The following CAMK2B variants were observed in gnomAD, a reference collection of about 807,000 sequenced individuals.
The protein encoded by CAMK2B is calcium/calmodulin-dependent protein kinase type II subunit beta.
Under a neutral mutation model 93.7 loss-of-function variants are expected in CAMK2B, and 27 were observed. That is an observed-to-expected ratio of 0.29 (90% CI 0.21 to 0.40). The LOEUF (loss-of-function observed/expected upper bound fraction) is 0.40, where lower values mean the gene tolerates loss of function less well. CAMK2B is among the 10% of genes least tolerant of loss of function. The pLI, the probability that CAMK2B is intolerant of heterozygous loss-of-function variation, is 1.00. For missense variants in CAMK2B, 568 were observed against 895.8 expected, an observed-to-expected ratio of 0.63 and a Z score of 4.67; for synonymous variants, 374 against 358.8, an observed-to-expected ratio of 1.04 and a Z score of -0.48.
chr7:44,295,752 A>G lies in CAMK2B; in HGVS notation c.66-11527T>C, dbSNP rs1012434628. On this transcript the variant is annotated intron_variant, in intron 1 of 23. Coordinates refer to ENST00000395749, the MANE Select transcript of CAMK2B (RefSeq NM_001220.5). ...TTCTTCTTAAAACCCTGCCCTCAGG[A>G]GAAATTATCTTACTACAGCCCAACC... is the stretch of plus-strand genomic sequence containing the variant. Among the ~76,000 whole-genome samples, 16 of 152,302 alleles carry G rather than the reference A, an allele frequency of 1.1e-4. 1 individual carries two copies. In the East Asian group the frequency reaches 2.3e-3, roughly 22 times the overall value.
chr7:44,234,560 G>A lies in CAMK2B; in HGVS notation c.1059+79C>T, dbSNP rs1583966119. On this transcript the variant is annotated intron_variant, in intron 14 of 23. Coordinates refer to ENST00000395749, the MANE Select transcript of CAMK2B (RefSeq NM_001220.5). ...AGGGCATGGGGGGAGGGGGACTCCA[G>A]AGCAGGAGCCCCAGGGCGTGGGGGT... 6 of 1,597,768 alleles carry A rather than the reference G, an allele frequency of 3.8e-6. No individual in the cohort carries two copies. In the East Asian group the frequency reaches 1.3e-4, roughly 36 times the overall value.
chr7:44,234,288 C>A, intron 15 of CAMK2B, 102 bp downstream of exon 15: 1 of 1,048,454 alleles, frequency 9.5e-7, no homozygotes, highest in Non-Finnish European at 1.4e-6. Flanking sequence ...ACAGGCCAGG[C>A]GGGGCCAGAC....
chr7:44,243,474 T>C lies in CAMK2B; in HGVS notation c.468A>G (p.Ala156=), dbSNP rs1185042057. 6.2e-7 allele frequency: 1 copy of C among 1,614,006 alleles called. No individual in the cohort carries two copies. The highest frequency in any genetic ancestry group is 8.5e-7 in the Non-Finnish European group (1 of 1,180,018). Residue 156 remains alanine, a synonymous_variant, in exon 7 of 24, where the codon GCA becomes GCG. Coordinates refer to ENST00000395749, the MANE Select transcript of CAMK2B (RefSeq NM_001220.5). The part of the protein sequence containing the change: ...SKCKGAAVKL[A]DFGLAIEVQG... Reference sequence around the variant, plus strand: ...GCACCTCGATAGCTAGGCCGAAGTCTGCCAGCTTCACTGCAGCCCCTTTGC... The same window carrying C: ...GCACCTCGATAGCTAGGCCGAAGTCCGCCAGCTTCACTGCAGCCCCTTTGC...
chr7:44,323,055 G>A (rs1253734281), intron 1 of CAMK2B, among the ~76,000 whole-genome samples: 2 of 152,182 alleles, frequency 1.3e-5, no homozygotes, highest in Admixed American at 6.5e-5. Context: ...ATCCCCCTTA[G>A]GTGCCCTGCT....
chr7:44,317,660 C>T (rs896757228), intron 1 of CAMK2B, among the ~76,000 whole-genome samples: 16 of 151,840 alleles, frequency 1.1e-4, no homozygotes, highest in Non-Finnish European at 1.8e-4. Flanking sequence ...TTTTTCTTTA[C>T]GTACTAGAAA....
At chr7:44,320,552 C>A (rs943423093) in intron 1 of CAMK2B, among the ~76,000 whole-genome samples, 3 of 152,160 alleles carry the variant, frequency 2.0e-5, no homozygotes, top group African/African-American at 7.2e-5. Flanking sequence ...ATAATAAGCA[C>A]CATTTAAGCG....
chr7:44,277,421 C>T (rs551485701), intron 2 of CAMK2B, among the ~76,000 whole-genome samples: 1 of 152,256 alleles, frequency 6.6e-6, no homozygotes, highest in Non-Finnish European at 1.5e-5. Flanking sequence ...GCAGTGTCCG[C>T]GTGGCCGAGT....
chr7:44,279,920 A>G (rs1006140833), intron 2 of CAMK2B, among the ~76,000 whole-genome samples: 14 of 152,202 alleles, frequency 9.2e-5, no homozygotes, highest in African/African-American at 3.4e-4. Context: ...GAACGAGCAC[A>G]AGACAGGTCA....
intron 2 of CAMK2B, among the ~76,000 whole-genome samples, chr7:44,276,768 C>T (rs1455009044): frequency 1.3e-5 from 2 of 152,212 alleles, no homozygotes; most frequent in Admixed American, 6.5e-5. Flanking sequence ...GGGAGCCCCA[C>T]GCTGGCCGAA....
chr7:44,234,288 C>T (rs933637626), intron 15 of CAMK2B, 102 bp downstream of exon 15: 22 of 1,048,444 alleles, frequency 2.1e-5, no homozygotes, highest in Middle Eastern at 3.1e-4. Flanking sequence ...ACAGGCCAGG[C>T]GGGGCCAGAC....
chr7:44,294,157 C>T (rs1787644395), intron 1 of CAMK2B, among the ~76,000 whole-genome samples: 1 of 152,208 alleles, frequency 6.6e-6, no homozygotes, highest in African/African-American at 2.4e-5. Flanking sequence ...AGGAAAACCC[C>T]AGTCTCTGCC....
intron 2 of CAMK2B, among the ~76,000 whole-genome samples, chr7:44,275,409 C>A (rs962378842): frequency 6.6e-6 from 1 of 152,250 alleles, no homozygotes. Flanking sequence ...CCGCGCAGCC[C>A]GGCTCCCTGT....
Position 44,234,670 on chromosome 7 carries a change from C to G in CAMK2B, c.1028G>C (p.Ser343Thr), listed in dbSNP as rs773451547. Residue 343 changes from serine to threonine, a missense_variant, in exon 14 of 24, where the codon AGT becomes ACT. By Grantham distance (58) the Ser-to-Thr change is moderately conservative. This residue lies in a region of CAMK2B where 308 missense variants were observed against 292.1 expected (regional missense o/e 1.05). Transcript: ENST00000395749. Reference protein sequence around the residue: ...TTMGLVEQAKSLLNKKADGVK... With the variant: ...TTMGLVEQAKTLLNKKADGVK... ...TCCATCTGCTTTCTTGTTGAGTAAA[C>G]TCTTGGCTGCTGCATGGGGAGGAAG... 2.5e-6 allele frequency: 4 copies of G among 1,614,102 alleles called. No individual in the cohort carries two copies. Among genetic ancestry groups the G allele is most frequent in the South Asian group, 1.1e-5 (1 of 91,088 alleles).
At chr7:44,318,163 C>T (rs1367293674) in intron 1 of CAMK2B, among the ~76,000 whole-genome samples, 1 of 152,196 alleles carries the variant, frequency 6.6e-6, no homozygotes, top group East Asian at 1.9e-4. Flanking sequence ...TCAGGCAGCA[C>T]CTCAACAAAC....
intron 19 of CAMK2B, among the ~76,000 whole-genome samples, chr7:44,228,051 G>A (rs1053724585): frequency 4.9e-4 from 74 of 151,888 alleles, no homozygotes; most frequent in East Asian, 2.9e-3. Context: ...TCTGGCTGTC[G>A]GGTGGCGTGG....
At chr7:44,230,306 T>A (rs1221843417) in intron 17 of CAMK2B, 1 of 152,496 alleles carries the variant, frequency 6.6e-6, no homozygotes, top group South Asian at 2.1e-4. Context: ...AGAAGTTTTC[T>A]CCCCTAAACT....
At position 44,225,936 on chromosome 7, in the gene CAMK2B, G is replaced by A. The variant is rs953140573; in HGVS notation, c.1597+580C>T. The A allele has an allele frequency of 1.0e-5, 13 of 1,269,624 alleles. No individual in the cohort carries two copies. The African/African-American group carries it at 1.8e-4, about 18-fold the overall frequency. The allele number at this position is 1,269,624 out of a possible 1,614,324, so 78.6% of individuals were successfully genotyped here. A position where few individuals can be genotyped will look rare whatever the true frequency, so the allele number is the denominator to read the frequency against. ...TAGTCGGCAGACAGACCGGGAGGTG[G>A]CCCAGCCTGGCTCCTCCCTGGCCGG... is the stretch of plus-strand genomic sequence containing the variant. On this transcript the variant is annotated intron_variant, in intron 20 of 23. Coordinates refer to ENST00000395749, the MANE Select transcript of CAMK2B (RefSeq NM_001220.5). The surrounding 1 kb of genome is among the most constrained non-coding windows in gnomAD (Gnocchi z 5.0).
rs923325321 is a variant in CAMK2B at position 44,220,828 on chromosome 7, G to A, written c.1671C>T (p.Tyr557=). ...EAVNNGDFEA[Y]AKICDPGLTS... is the part of the protein sequence containing the mutation. ...CCCCCCCAGCCCCAGGGACTCACGC[G>A]TAGGCCTCAAAGTCACCGTTGTTGA... The change falls in exon 21 of 24, where the codon TAC becomes TAT. Residue 557 remains tyrosine, a splice_region_variant and synonymous_variant. Transcript: ENST00000395749. 1.3e-5 allele frequency: 20 copies of A among 1,567,068 alleles called. No homozygotes were observed. The highest frequency in any genetic ancestry group is 2.7e-5 in the African/African-American group (2 of 73,966).
chr7:44,228,424 G>A (rs955702755), intron 19 of CAMK2B, among the ~76,000 whole-genome samples: 7 of 152,126 alleles, frequency 4.6e-5, no homozygotes, highest in African/African-American at 1.7e-4. Flanking sequence ...GCCCCTGGGT[G>A]GGTGTGAAGT....
Sources: gnomAD v4.1 joint callset for allele counts (sites outside exome capture counted in the v4.1 genomes callset) on GRCh38, gnomAD v4.1.1 for gene constraint, gnomAD v4.1.1 regional missense constraint, Gnocchi (gnomAD v3.1) non-coding constraint, MANE v1.5 for transcripts, NCBI Gene and HGNC (gene_info 2026-07-23, HGNC 2026-07-21) for gene names.